Variants in KCNK13 observed in about 807,000 individuals in gnomAD.
The protein encoded by KCNK13 is potassium two pore domain channel subfamily K member 13.
Under a neutral mutation model 23.4 loss-of-function variants are expected in KCNK13, and 12 were observed. That is an observed-to-expected ratio of 0.51 (90% CI 0.33 to 0.83). KCNK13 has a LOEUF of 0.83. Among genes scored for constraint, KCNK13 ranks in the 40% least tolerant of loss-of-function variants. The pLI is 0.02. For missense variants in KCNK13, 463 were observed against 556.3 expected (o/e 0.83, Z 1.69); for synonymous variants, 231 against 229.5 (o/e 1.01, Z -0.06).
At position 90,094,652 on chromosome 14, in the gene KCNK13, T is replaced by C. The variant is rs575707507; in HGVS notation, c.334+32113T>C. ...GGGACTTTTCTTTTTTTTCTTTTTTTTTTTTTTTTTTTTTTGAGATGGAGC... is the reference window on the plus strand; with the variant it reads ...GGGACTTTTCTTTTTTTTCTTTTTTCTTTTTTTTTTTTTTTGAGATGGAGC... On this transcript the variant is annotated intron_variant, in intron 1 of 1. Transcript: ENST00000282146. Among the ~76,000 whole-genome samples the C allele has an allele frequency of 2.1e-4, 30 of 143,374 alleles. No homozygotes were observed. In the East Asian group the frequency reaches 3.0e-3, roughly 14 times the overall value. The allele number at this position is 143,374 out of a possible 152,430, so 94.1% of individuals were successfully genotyped here. A position where few individuals can be genotyped will look rare whatever the true frequency, so the allele number is the denominator to read the frequency against.
chr14:90,103,037 C>T (rs1169701220), intron 1 of KCNK13, among the ~76,000 whole-genome samples: 2 of 152,162 alleles, frequency 1.3e-5, no homozygotes, highest in Non-Finnish European at 2.9e-5. Flanking sequence ...CAGTATTTGG[C>T]TTTCTGTTCC....
intron 1 of KCNK13, among the ~76,000 whole-genome samples, chr14:90,095,055 G>C (rs1456680056): frequency 6.6e-6 from 1 of 152,126 alleles, no homozygotes; most frequent in Admixed American, 6.5e-5. Flanking sequence ...AATGGATTAC[G>C]TGTTATCCCA....
At chr14:90,101,798 A>AAAAAAAAAAAAAAAC in intron 1 of KCNK13, among the ~76,000 whole-genome samples, 1 of 114,210 alleles carries the variant, frequency 8.8e-6, no homozygotes, top group Non-Finnish European at 1.8e-5. Context: ...TCCAAAAAAA[A>AAAAAAAAAAAAAAAC]AAAAAAAAAA....
At chr14:90,083,482 T>C (rs1489130968) in intron 1 of KCNK13, among the ~76,000 whole-genome samples, 1 of 152,228 alleles carries the variant, frequency 6.6e-6, no homozygotes, top group African/African-American at 2.4e-5. Flanking sequence ...GTGGTTTCAG[T>C]GTTTGTTTCC....
intron 1 of KCNK13, among the ~76,000 whole-genome samples, chr14:90,117,797 T>A (rs1235124741): frequency 6.6e-6 from 1 of 152,280 alleles, no homozygotes; most frequent in South Asian, 2.1e-4. Context: ...TTGCCCCCAG[T>A]GAAAACCTCA....
At chr14:90,104,826 G>A (rs1258873212) in intron 1 of KCNK13, among the ~76,000 whole-genome samples, 1 of 132,198 alleles carries the variant, frequency 7.6e-6, no homozygotes, top group African/African-American at 2.9e-5. Flanking sequence ...GTCTCACACT[G>A]TCACCCAGGC....
At chr14:90,162,546 C>T (rs529142916) in intron 1 of KCNK13, among the ~76,000 whole-genome samples, 4 of 152,168 alleles carry the variant, frequency 2.6e-5, no homozygotes, top group African/African-American at 9.7e-5. Flanking sequence ...TTATTTCTTA[C>T]AACTGCTGTC....
chr14:90,076,358 G>T (rs560896062), intron 1 of KCNK13, among the ~76,000 whole-genome samples: 26 of 152,356 alleles, frequency 1.7e-4, no homozygotes, highest in African/African-American at 5.5e-4. Flanking sequence ...GCCAGGCTTA[G>T]ATGGTGTCTC....
intron 1 of KCNK13, among the ~76,000 whole-genome samples, chr14:90,117,293 A>G (rs774459510): frequency 6.6e-6 from 1 of 152,114 alleles, no homozygotes; most frequent in Non-Finnish European, 1.5e-5. Context: ...CACTCAATTT[A>G]AAACTTAGGA....
At chr14:90,129,386 T>C in intron 1 of KCNK13, among the ~76,000 whole-genome samples, 1 of 152,110 alleles carries the variant, frequency 6.6e-6, no homozygotes, top group Non-Finnish European at 1.5e-5. Flanking sequence ...AAGTGTGAGG[T>C]GGCATCAGAA....
chr14:90,087,794 G>T (rs1268665815), intron 1 of KCNK13, among the ~76,000 whole-genome samples: 3 of 152,126 alleles, frequency 2.0e-5, no homozygotes, highest in African/African-American at 7.2e-5. Context: ...TTTGTACAGT[G>T]TAGGGGACTT....
At chr14:90,139,226 C>T (rs981988772) in intron 1 of KCNK13, among the ~76,000 whole-genome samples, 3 of 152,150 alleles carry the variant, frequency 2.0e-5, no homozygotes, top group African/African-American at 7.2e-5. Context: ...CAAACACAGA[C>T]TGTGATGATT....
intron 1 of KCNK13, among the ~76,000 whole-genome samples, chr14:90,097,008 CA>C (rs1889417948): frequency 6.6e-6 from 1 of 152,054 alleles, no homozygotes; most frequent in African/African-American, 2.4e-5. Flanking sequence ...GGCTTGGATC[CA>C]GCAGCACAAA....
At chr14:90,162,937 T>C (rs1471925549) in intron 1 of KCNK13, among the ~76,000 whole-genome samples, 1 of 151,988 alleles carries the variant, frequency 6.6e-6, no homozygotes, top group Non-Finnish European at 1.5e-5. Flanking sequence ...AGAAAAACCA[T>C]AAATACCCTA....
intron 1 of KCNK13, among the ~76,000 whole-genome samples, chr14:90,160,238 T>A (rs1261315372): frequency 6.6e-6 from 1 of 152,190 alleles, no homozygotes; most frequent in Middle Eastern, 3.2e-3. Context: ...TTTCGTTGCC[T>A]CAAAACCACT....
intron 1 of KCNK13, among the ~76,000 whole-genome samples, chr14:90,175,261 T>G (rs904279954): frequency 6.6e-6 from 1 of 152,198 alleles, no homozygotes; most frequent in Non-Finnish European, 1.5e-5. Flanking sequence ...AGATTTTCCT[T>G]TATTTCCATG....
chr14:90,175,503 C>T (rs1354160962), intron 1 of KCNK13, among the ~76,000 whole-genome samples: 1 of 152,140 alleles, frequency 6.6e-6, no homozygotes, highest in Non-Finnish European at 1.5e-5. Context: ...CAAGTTGAAC[C>T]TCCATTAAAT....
Position 90,062,501 on chromosome 14 carries a change from G to T in KCNK13, c.296G>T (p.Gly99Val), listed in dbSNP as rs1242803079. 1 of 1,532,086 alleles carries T rather than the reference G, an allele frequency of 6.5e-7. No homozygotes were observed. The highest frequency in any genetic ancestry group is 1.2e-5 in the South Asian group (1 of 80,618). The allele number at this position is 1,532,086 out of a possible 1,614,324, so 94.9% of individuals were successfully genotyped here. Reference protein sequence around the residue: ...DNVRPRWDFTGAFYFVGTVVS... With the variant: ...DNVRPRWDFTVAFYFVGTVVS... ...GTCCGCCCGCGCTGGGACTTCACCG[G>T]CGCCTTCTACTTCGTGGGCACCGTC... The change falls in exon 1 of 2, where the codon GGC becomes GTC. Residue 99 changes from glycine to valine, a missense_variant. Physicochemically the swap from Gly to Val is moderately radical, Grantham distance 109. Transcript: ENST00000282146. The surrounding 1 kb of genome is among the most constrained non-coding windows in gnomAD (Gnocchi z 4.5).
intron 1 of KCNK13, among the ~76,000 whole-genome samples, chr14:90,096,155 G>C (rs973828713): frequency 1.3e-5 from 2 of 152,190 alleles, no homozygotes. Flanking sequence ...GGTTTTTATA[G>C]AGACTTTATT....
Sources: gnomAD v4.1 joint callset for allele counts (sites outside exome capture counted in the v4.1 genomes callset) on GRCh38, gnomAD v4.1.1 for gene constraint, Gnocchi (gnomAD v3.1) non-coding constraint, MANE v1.5 for transcripts, NCBI Gene and HGNC (gene_info 2026-07-23, HGNC 2026-07-21) for gene names.